The following IGDCC4 variants were observed in gnomAD, a reference collection of about 807,000 sequenced individuals.
IGDCC4 encodes likely ortholog of mouse neighbor of Punc E11.
In IGDCC4, 72 loss-of-function variants were observed where a neutral mutation model predicts 116.6. That is an observed-to-expected ratio of 0.62 (90% CI 0.51 to 0.75). The LOEUF (loss-of-function observed/expected upper bound fraction) is 0.75. Ranked by LOEUF, IGDCC4 falls within the 30% of genes least tolerant of loss-of-function variation. The pLI is 0.00. For synonymous variants in IGDCC4, 709 were observed against 719.9 expected, an observed-to-expected ratio of 0.98 and a Z score of 0.24; for missense variants, 1,501 against 1,662.4, an observed-to-expected ratio of 0.90 and a Z score of 1.69.
At chr15:65,411,741 A>AT (rs2063096378) in intron 1 of IGDCC4, among the ~76,000 whole-genome samples, 1 of 152,196 alleles carries the variant, frequency 6.6e-6, no homozygotes, top group Non-Finnish European at 1.5e-5. Context: ...AAGATGCCAC[A>AT]TTTTGCATGA....
intron 2 of IGDCC4, chr15:65,410,786 G>A (rs574024362): frequency 3.6e-6 from 2 of 555,512 alleles, no homozygotes; most frequent in South Asian, 4.8e-5. Context: ...GGACTCAAAG[G>A]GAAAGAAAAG....
intron 1 of IGDCC4, among the ~76,000 whole-genome samples, chr15:65,417,117 T>C (rs1349172817): frequency 6.6e-6 from 1 of 152,184 alleles, no homozygotes; most frequent in East Asian, 1.9e-4. Context: ...GATTTACTAC[T>C]TGTTTGCAGC....
intron 18 of IGDCC4, 200 bp from the exon 19 acceptor site, chr15:65,385,315 T>C (rs11638938): frequency 0.026 from 15,651 of 595,630 alleles, 271 homozygotes; most frequent in Middle Eastern, 0.048. Context: ...TGAGTCCTCC[T>C]GCAGAGGAGC....
rs376989310 is a variant in IGDCC4, at chr15:65,385,804, G to A, written c.3180+27C>T. The stretch of plus-strand genomic sequence containing the variant: ...GCCCCCTGGTGTCCTATTTAGAAAA[G>A]AGCCGCAATGTGGGGCTCTGACTTA... On this transcript the variant is annotated intron_variant, in intron 18 of 19. Coordinates refer to ENST00000352385, the MANE Select transcript of IGDCC4 (RefSeq NM_020962.3). 45 of 1,570,988 alleles carry A rather than the reference G, an allele frequency of 2.9e-5. No homozygotes were observed. In the African/African-American group the frequency reaches 5.4e-4, roughly 19 times the overall value.
intron 1 of IGDCC4, among the ~76,000 whole-genome samples, chr15:65,418,822 T>TGG (rs200785402): frequency 1.0e-4 from 15 of 150,522 alleles, no homozygotes; most frequent in African/African-American, 3.4e-4. Context: ...TAGAAAGAGG[T>TGG]GGGGGGGGTT....
Position 65,411,345 on chromosome 15 carries a change from C to T in IGDCC4, c.96G>A (p.Thr32=), listed in dbSNP as rs750951019. The change falls in exon 2 of 20, where the codon ACG becomes ACA. Residue 32 remains threonine, a synonymous_variant. Coordinates refer to ENST00000352385, the MANE Select transcript of IGDCC4 (RefSeq NM_020962.3). ...ARGELLLPQE[T]TVELSCGVGP... is the part of the protein sequence containing the mutation. ...CCACTCCACAGCTCAGCTCCACAGTCGTCTCCTGGGGCAACAGCAGCTCCC... is the reference window on the plus strand; with the variant it reads ...CCACTCCACAGCTCAGCTCCACAGTTGTCTCCTGGGGCAACAGCAGCTCCC... 15 of 1,584,442 alleles carry T rather than the reference C, an allele frequency of 9.5e-6. No individual in the cohort carries two copies. Among genetic ancestry groups the T allele is most frequent in the East Asian group, 2.2e-5 (1 of 44,446 alleles).
chr15:65,410,229 G>A lies in IGDCC4; in HGVS notation c.512C>T (p.Ala171Val). 3.1e-6 allele frequency: 5 copies of A among 1,613,908 alleles called. No individual in the cohort carries two copies. The highest frequency in any genetic ancestry group is 4.2e-6 in the Non-Finnish European group (5 of 1,180,022). ...RFECHIEGLP[A>V]PIITWEKDQV... ...GTCCTTCTCCCAAGTAATGATGGGA[G>A]CTGGCAGCCCTTCAATGTGGCACTC... Residue 171 changes from alanine (A) to valine (V), a missense_variant, in exon 3 of 20, where the codon GCT (alanine) becomes GTT (valine). Physicochemically the swap from Ala to Val is moderately conservative, Grantham distance 64. Transcript: ENST00000352385.
chr15:65,418,564 T>C (rs8042447), intron 1 of IGDCC4, among the ~76,000 whole-genome samples: 2,353 of 152,244 alleles, frequency 0.015, 67 homozygotes, highest in African/African-American at 0.054. Context: ...AGTGAGGCAG[T>C]AGTAGCTGGC....
In IGDCC4 at chr15:65,385,982, G is replaced by C. The variant is rs778101671; in HGVS notation, c.3029C>G (p.Pro1010Arg). 4.4e-6 allele frequency: 7 copies of C among 1,600,362 alleles called. No individual in the cohort carries two copies. In the African/African-American group the frequency reaches 8.1e-5, roughly 18 times the overall value. ...ALYSRARLGP[P>R]SPPAAHELES... ...CAATTCATGGGCAGCTGGGGGGCTGGGGGGGCCAAGCCGAGCTCTGGAGTA... is the reference window on the plus strand; with the variant it reads ...CAATTCATGGGCAGCTGGGGGGCTGCGGGGGCCAAGCCGAGCTCTGGAGTA... Residue 1010 changes from proline (P) to arginine (R), a missense_variant, in exon 18 of 20, where the codon CCC becomes CGC. This residue lies in a region of IGDCC4 where 368 missense variants were observed against 355.6 expected (regional missense o/e 1.03). Coordinates refer to ENST00000352385, the MANE Select transcript of IGDCC4 (RefSeq NM_020962.3).
rs1011584840 is a variant in IGDCC4 at position 65,388,694 on chromosome 15, T to C, written c.2708-108A>G. 3.8e-6 allele frequency: 6 copies of C among 1,589,660 alleles called. No individual in the cohort carries two copies. In the African/African-American group the frequency reaches 6.7e-5, roughly 18 times the overall value. ...GTCTGCTCTCCACTTAGGCAGCAGC[T>C]TCTGCTTGCTTCTCCCAGTAGCCCC... On this transcript the variant is annotated intron_variant, in intron 15 of 19. Transcript: ENST00000352385.
At position 65,392,172 on chromosome 15, in the gene IGDCC4, A is replaced by G; in HGVS notation, c.2084T>C (p.Leu695Pro). The change falls in exon 11 of 20, where the codon CTC becomes CCC. Residue 695 changes from leucine (L) to proline (P), a missense_variant. Physicochemically the swap from Leu to Pro is moderately conservative, Grantham distance 98. Around this residue, in one of 3 missense-constraint regions of IGDCC4, gnomAD observed 898 missense variants for 978.9 expected, o/e 0.92. Coordinates refer to ENST00000352385, the MANE Select transcript of IGDCC4 (RefSeq NM_020962.3). ...DQAWDVGPVR[L>P]KKKVKQYELT... Reference sequence around the variant, plus strand: ...CTCATACTGCTTCACTTTCTTCTTGAGCCGGACAGGCCCCACATCCCAAGC... The same window carrying G: ...CTCATACTGCTTCACTTTCTTCTTGGGCCGGACAGGCCCCACATCCCAAGC... The G allele has an allele frequency of 6.2e-7, 1 of 1,612,726 alleles. No homozygotes were observed. The highest frequency in any genetic ancestry group is 8.5e-7 in the Non-Finnish European group (1 of 1,179,608).
At chr15:65,414,988 G>T (rs1238431566) in intron 1 of IGDCC4, among the ~76,000 whole-genome samples, 1 of 152,196 alleles carries the variant, frequency 6.6e-6, no homozygotes, top group South Asian at 2.1e-4. Context: ...TACCATGCCC[G>T]GCGGGGAGCT....
intron 3 of IGDCC4, among the ~76,000 whole-genome samples, chr15:65,404,140 G>C (rs138823208): frequency 6.6e-6 from 1 of 152,096 alleles, no homozygotes; most frequent in Non-Finnish European, 1.5e-5. Flanking sequence ...TAGTTCAAAG[G>C]CTGGGGAGGA....
intron 15 of IGDCC4, 44 bp downstream of exon 15, chr15:65,388,764 G>A: frequency 6.2e-7 from 1 of 1,612,132 alleles, no homozygotes; most frequent in Middle Eastern, 1.7e-4. Flanking sequence ...AGCGGGAGAG[G>A]CTGGGAAGCT....
rs2062882383 is a variant in IGDCC4 at position 65,393,038 on chromosome 15, C to A, written c.1885+323G>T. 6.6e-6 allele frequency among the ~76,000 whole-genome samples: 1 copy of A among 152,168 alleles called. No individual in the cohort carries two copies. The highest frequency in any genetic ancestry group is 2.1e-4 in the South Asian group (1 of 4,830). On this transcript the variant is annotated intron_variant, in intron 10 of 19. Transcript: ENST00000352385. This position sits in a 1 kb window ranked among gnomAD's most constrained non-coding sequence, Gnocchi z 4.6. The stretch of plus-strand genomic sequence containing the variant: ...TCTCAACAAAAACAATCATCATCAC[C>A]ATCATCCTCGAAGCAGCTACAATTC...
rs74023805 is a variant in IGDCC4 at position 65,400,212 on chromosome 15, T to A, written c.841+594A>T. Among the ~76,000 whole-genome samples the A allele has an allele frequency of 5.4e-3, 823 of 152,344 alleles. 11 individuals carry two copies. Among genetic ancestry groups the A allele is most frequent in the African/African-American group, 0.019 (792 of 41,582 alleles). Reference sequence around the variant, plus strand: ...ATCTCCAGTCACTCAGTGGCACTTCTCACTTGTAGCCTGATACTGTCAGAC... The same window carrying A: ...ATCTCCAGTCACTCAGTGGCACTTCACACTTGTAGCCTGATACTGTCAGAC... On this transcript the variant is annotated intron_variant, in intron 5 of 19. Transcript: ENST00000352385.
Position 65,385,932 on chromosome 15 carries a change from G to A in IGDCC4, c.3079C>T (p.Gln1027Ter). Reference sequence around the variant, plus strand: ...TCTGAGGGTGGCGGGGACCAGTCCTGGGGATGGGGGTGCACAAGGGACTCC... The same window carrying A: ...TCTGAGGGTGGCGGGGACCAGTCCTAGGGATGGGGGTGCACAAGGGACTCC... Reference protein sequence around the residue: ...ELESLVHPHPQDWSPPPSDVE... With the variant: ...ELESLVHPHP The change falls in exon 18 of 20, where the codon CAG becomes TAG. Residue 1027 changes from glutamine to a stop codon, truncating the protein, a stop_gained. Transcript: ENST00000352385. LOFTEE classifies it high-confidence loss of function. The A allele has an allele frequency of 1.2e-6, 2 of 1,611,460 alleles. No individual in the cohort carries two copies. The highest frequency in any genetic ancestry group is 2.2e-5 in the South Asian group (2 of 90,956).
Position 65,384,803 on chromosome 15 carries a change from C to G in IGDCC4, c.3342+151G>C. On this transcript the variant is annotated intron_variant, in intron 19 of 19. Transcript: ENST00000352385. The surrounding 1 kb of genome is among the most constrained non-coding windows in gnomAD (Gnocchi z 4.9). ...TGCAAACTGGCCTGCCCTCCACCTA[C>G]TCAACCTTTGGAGGCTCCAGGGGTC... 4 of 1,048,166 alleles carry G rather than the reference C, an allele frequency of 3.8e-6. No individual in the cohort carries two copies. The highest frequency in any genetic ancestry group is 5.4e-6 in the Non-Finnish European group (4 of 744,278). The allele number at this position is 1,048,166 out of a possible 1,614,324, so 64.9% of individuals were successfully genotyped here.
Position 65,384,095 on chromosome 15 carries a change from G to A in IGDCC4, c.3667C>T (p.Pro1223Ser), listed in dbSNP as rs1342979863. 6.2e-7 allele frequency: 1 copy of A among 1,613,924 alleles called. No homozygotes were observed. The change falls in exon 20 of 20, where the codon CCT (proline) becomes TCT (serine). Residue 1223 changes from proline to serine, a missense_variant. Transcript: ENST00000352385. This position sits in a 1 kb window ranked among gnomAD's most constrained non-coding sequence, Gnocchi z 4.9. The part of the protein sequence containing the change: ...LQPGEVLEET[P>S]GDSCQLKSPC... ...GATTTGAGCTGGCAGCTATCTCCAGGGGTCTCCTCTAGCACCTCGCCTGGC... is the reference window on the plus strand; with the variant it reads ...GATTTGAGCTGGCAGCTATCTCCAGAGGTCTCCTCTAGCACCTCGCCTGGC...
Sources: gnomAD v4.1 joint callset for allele counts (sites outside exome capture counted in the v4.1 genomes callset) on GRCh38, gnomAD v4.1.1 for gene constraint, gnomAD v4.1.1 regional missense constraint, Gnocchi (gnomAD v3.1) non-coding constraint, MANE v1.5 for transcripts, NCBI Gene and HGNC (gene_info 2026-07-23, HGNC 2026-07-21) for gene names.